The following LMOD1 variants were observed in gnomAD, a reference collection of about 807,000 sequenced individuals.
LMOD1 encodes leiomodin 1.
A neutral mutation model predicts 36.5 loss-of-function variants in LMOD1; 8 were observed. The ratio of observed to expected loss-of-function variants is 0.22; its 90% CI spans 0.13 to 0.40. The LOEUF is 0.40. LMOD1 is among the 10% of genes least tolerant of loss of function. The pLI, the probability that LMOD1 is intolerant of heterozygous loss-of-function variation, is 1.00. For missense variants in LMOD1, 630 were observed against 751.1 expected (o/e 0.84, Z 1.88); for synonymous variants, 284 against 288.7 (o/e 0.98, Z 0.17).
In LMOD1 at chr1:201,921,736, G is replaced by A. The variant is rs538577576; in HGVS notation, c.262-20985C>T. ...AGCACTTTGGGAGGCTGAGGCGGGC[G>A]GATCACGAGGTCAGGAGATCGAGAC... is the stretch of plus-strand genomic sequence containing the variant. On this transcript the variant is annotated intron_variant, in intron 1 of 2. Coordinates refer to ENST00000367288, the MANE Select transcript of LMOD1 (RefSeq NM_012134.3). Among the ~76,000 whole-genome samples the A allele has an allele frequency of 1.9e-3, 285 of 150,690 alleles. 2 individuals carry two copies. The highest frequency in any genetic ancestry group is 6.5e-3 in the African/African-American group (264 of 40,906).
intron 1 of LMOD1, among the ~76,000 whole-genome samples, chr1:201,901,778 C>G: frequency 6.8e-6 from 1 of 146,216 alleles, no homozygotes; most frequent in African/African-American, 2.5e-5. Flanking sequence ...GTGAGTGCCT[C>G]ACATCCCTTC....
At chr1:201,906,685 T>C (rs1173696915) in intron 1 of LMOD1, among the ~76,000 whole-genome samples, 2 of 152,128 alleles carry the variant, frequency 1.3e-5, no homozygotes, top group Admixed American at 1.3e-4. Flanking sequence ...GAGTGCCAAA[T>C]CTTTTATTGT....
At chr1:201,931,535 CAAAAAA>C (rs11334173) in intron 1 of LMOD1, among the ~76,000 whole-genome samples, 2 of 82,468 alleles carry the variant, frequency 2.4e-5, no homozygotes, top group South Asian at 8.8e-4. Context: ...GAGACTCTGT[CAAAAAA>C]AAAAAAAAAA....
At chr1:201,925,260 A>G (rs1253062729) in intron 1 of LMOD1, among the ~76,000 whole-genome samples, 1 of 152,014 alleles carries the variant, frequency 6.6e-6, no homozygotes, top group African/African-American at 2.4e-5. Flanking sequence ...CCAGCTGGTG[A>G]CCTCTCTAAG....
rs1681912558 is a variant in LMOD1 at position 201,931,221 on chromosome 1, T to C, written c.261+14859A>G. On this transcript the variant is annotated intron_variant, in intron 1 of 2. Transcript: ENST00000367288. ...GTAATAGTCTGGGACAGAAGAGGGATATCCTTTCCATGGGATAAAAGAGAA... is the reference window on the plus strand; with the variant it reads ...GTAATAGTCTGGGACAGAAGAGGGACATCCTTTCCATGGGATAAAAGAGAA... Among the ~76,000 whole-genome samples the C allele has an allele frequency of 1.3e-5, 2 of 152,140 alleles. 1 individual carries two copies. The highest frequency in any genetic ancestry group is 4.1e-4 in the South Asian group (2 of 4,820).
At chr1:201,934,992 T>C (rs899735173) in intron 1 of LMOD1, among the ~76,000 whole-genome samples, 3 of 152,240 alleles carry the variant, frequency 2.0e-5, no homozygotes, top group African/African-American at 7.2e-5. Flanking sequence ...TGATCTCTTC[T>C]AGGCTCATGG....
At chr1:201,914,526 A>G (rs1681567781) in intron 1 of LMOD1, among the ~76,000 whole-genome samples, 2 of 152,020 alleles carry the variant, frequency 1.3e-5, no homozygotes, top group African/African-American at 4.8e-5. Context: ...TTATGGGTCT[A>G]GCTCTCTCCT....
chr1:201,942,323 TTGGTAC>T (rs1309226563), intron 1 of LMOD1, among the ~76,000 whole-genome samples: 1 of 152,162 alleles, frequency 6.6e-6, no homozygotes, highest in Non-Finnish European at 1.5e-5. Flanking sequence ...CCCAAGGGCT[TTGGTAC>T]AGACTGGTAT....
intron 1 of LMOD1, among the ~76,000 whole-genome samples, chr1:201,911,526 G>T (rs369800537): frequency 6.6e-6 from 1 of 152,160 alleles, no homozygotes; most frequent in Non-Finnish European, 1.5e-5. Context: ...TTAGCCGGGC[G>T]TGGTGGTGGG....
chr1:201,930,614 G>A (rs973083051), intron 1 of LMOD1, among the ~76,000 whole-genome samples: 5 of 152,182 alleles, frequency 3.3e-5, no homozygotes, highest in African/African-American at 1.2e-4. Flanking sequence ...GACACTTGAG[G>A]TGTCCAAGAG....
intron 1 of LMOD1, among the ~76,000 whole-genome samples, chr1:201,944,899 C>T (rs1016098983): frequency 3.3e-5 from 5 of 152,126 alleles, no homozygotes; most frequent in Non-Finnish European, 1.5e-5. Context: ...CCAGTCATTC[C>T]GCAGGCATTT....
At chr1:201,939,078 T>C (rs1169077554) in intron 1 of LMOD1, among the ~76,000 whole-genome samples, 1 of 151,478 alleles carries the variant, frequency 6.6e-6, no homozygotes, top group African/African-American at 2.4e-5. Flanking sequence ...AAGCCCTGCC[T>C]CCCTGCTTTC....
chr1:201,945,394 GCT>G (rs1682186628), intron 1 of LMOD1, among the ~76,000 whole-genome samples: 1 of 152,152 alleles, frequency 6.6e-6, no homozygotes, highest in African/African-American at 2.4e-5. Flanking sequence ...AAGAGGGCAT[GCT>G]CCCTCCAGAG....
At chr1:201,939,067 T>G (rs1682069984) in intron 1 of LMOD1, among the ~76,000 whole-genome samples, 1 of 151,600 alleles carries the variant, frequency 6.6e-6, no homozygotes, top group Admixed American at 6.6e-5. Flanking sequence ...AGTAATTACA[T>G]AAGCCCTGCC....
chr1:201,921,423 G>A (rs1294929153), intron 1 of LMOD1, among the ~76,000 whole-genome samples: 1 of 149,098 alleles, frequency 6.7e-6, no homozygotes, highest in Non-Finnish European at 1.5e-5. Context: ...AGGAGGTGGA[G>A]GTTGCAGTGA....
At chr1:201,917,069 G>A (rs10800796) in intron 1 of LMOD1, among the ~76,000 whole-genome samples, 47,455 of 152,092 alleles carry the variant, frequency 0.31, 8,125 homozygotes, top group Middle Eastern at 0.42. Context: ...TGTAGGGAAG[G>A]GGAGCAAAGA....
At chr1:201,923,489 G>A (rs1459083960) in intron 1 of LMOD1, among the ~76,000 whole-genome samples, 1 of 152,150 alleles carries the variant, frequency 6.6e-6, no homozygotes. Flanking sequence ...AGGAGTCTGA[G>A]GCAGGAGGAT....
At chr1:201,931,442 T>G (rs543788130) in intron 1 of LMOD1, among the ~76,000 whole-genome samples, 18 of 145,974 alleles carry the variant, frequency 1.2e-4, no homozygotes, top group Admixed American at 2.1e-4. Context: ...GGCTGAGGCA[T>G]GAGAATCGCT....
intron 1 of LMOD1, among the ~76,000 whole-genome samples, chr1:201,915,319 C>T (rs933122883): frequency 6.6e-6 from 1 of 152,144 alleles, no homozygotes; most frequent in African/African-American, 2.4e-5. Flanking sequence ...ACCGGATTAT[C>T]TCATCCATTC....
Sources: gnomAD v4.1 joint callset for allele counts (sites outside exome capture counted in the v4.1 genomes callset) on GRCh38, gnomAD v4.1.1 for gene constraint, MANE v1.5 for transcripts, NCBI Gene and HGNC (gene_info 2026-07-23, HGNC 2026-07-21) for gene names.